MBD5: variants seen among roughly 807,000 people sequenced by gnomAD.
MBD5 encodes the protein methyl-CpG-binding domain protein 5.
Under a neutral mutation model 117.3 loss-of-function variants are expected in MBD5, and 13 were observed. That is an observed-to-expected ratio of 0.11 (90% CI 0.07 to 0.18). The LOEUF (loss-of-function observed/expected upper bound fraction) is 0.18, where lower values mean the gene tolerates loss of function less well. Ranked by LOEUF, MBD5 falls within the 10% of genes least tolerant of loss-of-function variation. The pLI is 1.00. For synonymous variants in MBD5, 727 were observed against 766.4 expected (o/e 0.95, Z 0.85); for missense variants, 1,879 against 2,093.8 (o/e 0.90, Z 2.00).
chr2:148,371,929 T>C (rs1703864471), intron 4 of MBD5, among the ~76,000 whole-genome samples: 1 of 152,174 alleles, frequency 6.6e-6, no homozygotes, highest in South Asian at 2.1e-4. Flanking sequence ...CTTATATTCA[T>C]TTAGCTTATA....
At chr2:148,428,777 A>G (rs1381289970) in intron 4 of MBD5, among the ~76,000 whole-genome samples, 1 of 152,200 alleles carries the variant, frequency 6.6e-6, no homozygotes, top group Non-Finnish European at 1.5e-5. Context: ...GGTGTTGGGA[A>G]AACTAGCTAG....
chr2:148,171,251 C>A (rs1336584918), intron 1 of MBD5, among the ~76,000 whole-genome samples: 1 of 152,150 alleles, frequency 6.6e-6, no homozygotes, highest in Non-Finnish European at 1.5e-5. Flanking sequence ...ACTAGCAAAC[C>A]AAATGCAACA....
chr2:148,405,971 G>A (rs543161429), intron 4 of MBD5, among the ~76,000 whole-genome samples: 3 of 151,928 alleles, frequency 2.0e-5, no homozygotes, highest in African/African-American at 4.8e-5. Context: ...ATATAGCCAG[G>A]GGTAGTTTTG....
intron 3 of MBD5, among the ~76,000 whole-genome samples, chr2:148,303,579 TATGA>T (rs977924758): frequency 2.6e-5 from 4 of 152,220 alleles, no homozygotes; most frequent in African/African-American, 9.6e-5. Context: ...AAGTGTAGAA[TATGA>T]ATAAGAAAAA....
At chr2:148,422,991 A>T (rs535630895) in intron 4 of MBD5, among the ~76,000 whole-genome samples, 23 of 152,186 alleles carry the variant, frequency 1.5e-4, no homozygotes, top group Non-Finnish European at 1.8e-4. Flanking sequence ...AATGGAACCA[A>T]GTTGGAAAAC....
At chr2:148,282,000 G>A (rs181389530) in intron 3 of MBD5, among the ~76,000 whole-genome samples, 7 of 152,082 alleles carry the variant, frequency 4.6e-5, no homozygotes, top group Non-Finnish European at 7.4e-5. Context: ...TCAGCCTTGC[G>A]TACTACTTTG....
chr2:148,195,914 A>G (rs1278676194), intron 2 of MBD5, among the ~76,000 whole-genome samples: 9 of 152,202 alleles, frequency 5.9e-5, no homozygotes, highest in Admixed American at 5.2e-4. Context: ...TTGTAATTTT[A>G]AAAATAAAAG....
intron 2 of MBD5, among the ~76,000 whole-genome samples, chr2:148,203,293 A>T (rs535136844): frequency 2.0e-5 from 3 of 151,988 alleles, no homozygotes; most frequent in Admixed American, 6.5e-5. Context: ...GAGTTGTAAC[A>T]ATTAAATGTG....
chr2:148,391,698 A>C (rs149896533), intron 4 of MBD5, among the ~76,000 whole-genome samples: 1 of 152,192 alleles, frequency 6.6e-6, no homozygotes, highest in Non-Finnish European at 1.5e-5. Context: ...TGTTTTTACA[A>C]TAGGCACATT....
intron 3 of MBD5, among the ~76,000 whole-genome samples, chr2:148,275,745 T>C (rs1160171244): frequency 1.3e-5 from 2 of 152,118 alleles, no homozygotes; most frequent in African/African-American, 2.4e-5. Flanking sequence ...ACATATAAAG[T>C]TAACCATCAC....
Position 148,458,495 on chromosome 2 carries a change from A to C in MBD5, c.-264A>C, listed in dbSNP as rs1706953886. On this transcript the variant is annotated 5_prime_UTR_variant, in exon 5 of 14. Coordinates refer to ENST00000642680, the MANE Select transcript of MBD5 (RefSeq NM_001378120.1). ...TGAATTATGATTTTCCTTAGTCAGA[A>C]GCACTCATTTTTACCCATGTAGACC... The C allele has an allele frequency of 1.7e-6, 1 of 586,754 alleles. No homozygotes were observed. Among genetic ancestry groups the C allele is most frequent in the African/African-American group, 1.9e-5 (1 of 53,696 alleles). The allele number at this position is 586,754 out of a possible 1,614,324, so 36.3% of individuals were successfully genotyped here.
At chr2:148,106,606 T>C (rs1696379585) in intron 1 of MBD5, among the ~76,000 whole-genome samples, 1 of 151,926 alleles carries the variant, frequency 6.6e-6, no homozygotes, top group African/African-American at 2.4e-5. Flanking sequence ...TTTATTTTCC[T>C]ATTATTTTTT....
chr2:148,510,215 T>C, intron 13 of MBD5, 80 bp downstream of exon 13: 1 of 1,059,258 alleles, frequency 9.4e-7, no homozygotes, highest in Non-Finnish European at 1.5e-6. Context: ...GTCTCTTGAG[T>C]ATTGTCAAAC....
chr2:148,297,757 G>A (rs1253298702), intron 3 of MBD5, among the ~76,000 whole-genome samples: 2 of 151,720 alleles, frequency 1.3e-5, no homozygotes, highest in Non-Finnish European at 1.5e-5. Context: ...ATTGTTCACC[G>A]AGATGACCTA....
intron 4 of MBD5, among the ~76,000 whole-genome samples, chr2:148,384,216 C>A (rs181153861): frequency 6.6e-6 from 1 of 152,092 alleles, no homozygotes; most frequent in Non-Finnish European, 1.5e-5. Context: ...AAAACCCCAT[C>A]GTCTCAGCCC....
At chr2:148,472,870 C>A (rs1336705251) in intron 8 of MBD5, among the ~76,000 whole-genome samples, 2 of 152,072 alleles carry the variant, frequency 1.3e-5, no homozygotes, top group African/African-American at 4.8e-5. Flanking sequence ...GTGCAGTTTT[C>A]TAAAGTATAA....
At chr2:148,110,088 G>A (rs1241565826) in intron 1 of MBD5, among the ~76,000 whole-genome samples, 1 of 152,120 alleles carries the variant, frequency 6.6e-6, no homozygotes, top group Non-Finnish European at 1.5e-5. Context: ...TAATTCTGAA[G>A]ATAATAGTAA....
intron 2 of MBD5, among the ~76,000 whole-genome samples, chr2:148,228,026 T>A (rs1212204427): frequency 2.0e-5 from 3 of 152,212 alleles, no homozygotes; most frequent in Non-Finnish European, 2.9e-5. Flanking sequence ...ACAATGTGGT[T>A]TTCTAGATAT....
intron 11 of MBD5, among the ~76,000 whole-genome samples, chr2:148,491,014 C>T (rs535880215): frequency 2.0e-5 from 3 of 152,300 alleles, no homozygotes; most frequent in East Asian, 1.9e-4. Flanking sequence ...GCAATGGTTG[C>T]GCCAGGGGAC....
Sources: gnomAD v4.1 joint callset for allele counts (sites outside exome capture counted in the v4.1 genomes callset) on GRCh38, gnomAD v4.1.1 for gene constraint, MANE v1.5 for transcripts, NCBI Gene and HGNC (gene_info 2026-07-23, HGNC 2026-07-21) for gene names.